GPC5: variants seen among roughly 807,000 people sequenced by gnomAD.
GPC5 encodes glypican 5.
In GPC5, 47 loss-of-function variants were observed where a neutral mutation model predicts 53.9. The ratio of observed to expected loss-of-function variants is 0.87; its 90% CI spans 0.69 to 1.11. The LOEUF is 1.11. Among genes scored for constraint, GPC5 ranks in the 50% most tolerant of loss-of-function variants. The probability of loss-of-function intolerance (pLI) is 0.00; values close to 1 mark genes in which losing one functional copy is unlikely to be tolerated. For synonymous variants in GPC5, 286 were observed against 263.3 expected (o/e 1.09, Z -0.84); for missense variants, 748 against 713.1 (o/e 1.05, Z -0.56).
rs1043462464 is a variant in GPC5 at position 92,309,737 on chromosome 13, A to T, written c.1561+164748A>T. Among the ~76,000 whole-genome samples, 6 of 152,218 alleles carry T rather than the reference A, an allele frequency of 3.9e-5. No homozygotes were observed. In the South Asian group the frequency reaches 6.2e-4, roughly 16 times the overall value. ...TTATCTCACATGTTTATCTTTAAAA[A>T]TTTTTTATGGTGAGAGCACTTAAAA... On this transcript the variant is annotated intron_variant, in intron 7 of 7. Coordinates refer to ENST00000377067, the MANE Select transcript of GPC5 (RefSeq NM_004466.6).
At chr13:92,206,289 C>T (rs1056830165) in intron 7 of GPC5, among the ~76,000 whole-genome samples, 23 of 150,496 alleles carry the variant, frequency 1.5e-4, no homozygotes, top group African/African-American at 5.1e-4. Flanking sequence ...CTCAGCCTCC[C>T]GAGTAGCTGC....
At chr13:92,352,594 A>G (rs1025772424) in intron 7 of GPC5, among the ~76,000 whole-genome samples, 1 of 152,170 alleles carries the variant, frequency 6.6e-6, no homozygotes. Context: ...TGGTCAATAA[A>G]CATATGATAG....
chr13:92,181,363 T>TG (rs143882566), intron 7 of GPC5, among the ~76,000 whole-genome samples: 3,945 of 152,284 alleles, frequency 0.026, 170 homozygotes, highest in African/African-American at 0.086. Flanking sequence ...AGTTTGTGTT[T>TG]GGGGAAAATC....
chr13:92,453,964 T>G (rs1394591177), intron 7 of GPC5, among the ~76,000 whole-genome samples: 2 of 152,202 alleles, frequency 1.3e-5, no homozygotes, highest in Non-Finnish European at 2.9e-5. Flanking sequence ...ATGTCTGATT[T>G]TATCCATCTG....
At chr13:92,047,756 G>C (rs1196098215) in intron 6 of GPC5, among the ~76,000 whole-genome samples, 7 of 147,016 alleles carry the variant, frequency 4.8e-5, no homozygotes, top group Admixed American at 4.2e-4. Context: ...GGATCATGAG[G>C]TCAGGAGATC....
intron 7 of GPC5, among the ~76,000 whole-genome samples, chr13:92,424,123 T>C (rs1876714709): frequency 6.6e-6 from 1 of 152,104 alleles, no homozygotes; most frequent in Non-Finnish European, 1.5e-5. Flanking sequence ...AACCTAGAAA[T>C]GATCATGCCT....
chr13:92,751,703 A>C (rs981460869), intron 7 of GPC5, among the ~76,000 whole-genome samples: 1 of 152,114 alleles, frequency 6.6e-6, no homozygotes, highest in African/African-American at 2.4e-5. Flanking sequence ...ATATGTAACA[A>C]ACCTGCACGT....
At chr13:91,984,313 C>T (rs1441203668) in intron 6 of GPC5, among the ~76,000 whole-genome samples, 2 of 152,016 alleles carry the variant, frequency 1.3e-5, no homozygotes, top group Non-Finnish European at 2.9e-5. Flanking sequence ...CAATCTGGCT[C>T]AATAATAAAA....
intron 7 of GPC5, among the ~76,000 whole-genome samples, chr13:92,426,261 A>G (rs1197718665): frequency 6.6e-6 from 1 of 152,002 alleles, no homozygotes; most frequent in Non-Finnish European, 1.5e-5. Context: ...GTCACTCTAT[A>G]TTATACCCAT....
At chr13:91,876,261 C>A (rs533177303) in intron 5 of GPC5, among the ~76,000 whole-genome samples, 99 of 152,148 alleles carry the variant, frequency 6.5e-4, no homozygotes, top group African/African-American at 2.3e-3. Flanking sequence ...GCTGAAGATA[C>A]CCAAAAATGT....
At chr13:92,089,519 T>C (rs2041362710) in intron 6 of GPC5, among the ~76,000 whole-genome samples, 1 of 152,186 alleles carries the variant, frequency 6.6e-6, no homozygotes, top group African/African-American at 2.4e-5. Flanking sequence ...TTTACATATT[T>C]TAAATTCACT....
chr13:92,863,359 G>A (rs1407594958), intron 7 of GPC5, among the ~76,000 whole-genome samples: 1 of 152,138 alleles, frequency 6.6e-6, no homozygotes, highest in African/African-American at 2.4e-5. Flanking sequence ...CGACTGTTGT[G>A]AAAATTAAAT....
At chr13:92,676,428 G>C (rs1886940058) in intron 7 of GPC5, among the ~76,000 whole-genome samples, 1 of 152,040 alleles carries the variant, frequency 6.6e-6, no homozygotes, top group African/African-American at 2.4e-5. Flanking sequence ...GTAAGATATT[G>C]CTGATTCAGA....
At chr13:92,168,770 G>A (rs565107228) in intron 7 of GPC5, among the ~76,000 whole-genome samples, 1 of 152,290 alleles carries the variant, frequency 6.6e-6, no homozygotes, top group South Asian at 2.1e-4. Context: ...GGAAGACAGT[G>A]TGGCAGTTCC....
chr13:92,304,633 T>A (rs547593680), intron 7 of GPC5, among the ~76,000 whole-genome samples: 2 of 152,254 alleles, frequency 1.3e-5, no homozygotes, highest in East Asian at 3.9e-4. Context: ...AATACATTAT[T>A]TGAGTGGCTA....
chr13:91,671,092 G>A (rs889560295), intron 2 of GPC5, among the ~76,000 whole-genome samples: 2 of 152,110 alleles, frequency 1.3e-5, no homozygotes, highest in East Asian at 1.9e-4. Context: ...GGCATAATTA[G>A]TGTATTGGGC....
chr13:91,893,152 TTC>T (rs1480782027), intron 5 of GPC5, among the ~76,000 whole-genome samples: 1 of 152,038 alleles, frequency 6.6e-6, no homozygotes, highest in Admixed American at 6.6e-5. Context: ...ACAAAGATCA[TTC>T]TGTTTCTAGG....
chr13:91,708,438 G>A (rs1012025896), intron 3 of GPC5, among the ~76,000 whole-genome samples: 2 of 152,070 alleles, frequency 1.3e-5, no homozygotes, highest in South Asian at 2.1e-4. Flanking sequence ...ACCGCATATT[G>A]TAAGATTCTG....
intron 7 of GPC5, chr13:92,659,118 C>T (rs1231079779): frequency 2.0e-5 from 3 of 149,848 alleles, no homozygotes; most frequent in African/African-American, 7.3e-5. Context: ...TTAGTAGAGA[C>T]GGGGTTTCAC....
Sources: allele counts gnomAD v4.1 joint callset (sites outside exome capture counted in the v4.1 genomes callset), GRCh38; gene constraint gnomAD v4.1.1; transcripts MANE v1.5; gene names NCBI Gene and HGNC (gene_info 2026-07-23, HGNC 2026-07-21).